Variants in MORN5 observed in about 807,000 individuals in gnomAD.
MORN5 encodes MORN repeat containing 5.
A neutral mutation model predicts 22.1 loss-of-function variants in MORN5; 21 were observed. The ratio of observed to expected loss-of-function variants is 0.95; its 90% CI spans 0.67 to 1.37. MORN5 has a LOEUF of 1.37. MORN5 is among the 40% of genes most tolerant of loss of function. The pLI is 0.00. For synonymous variants in MORN5, 73 were observed against 74.0 expected, an observed-to-expected ratio of 0.99 and a Z score of 0.07; for missense variants, 211 against 215.1, an observed-to-expected ratio of 0.98 and a Z score of 0.12.
At chr9:122,161,780 C>T (rs576483437) in intron 1 of MORN5, among the ~76,000 whole-genome samples, 2 of 152,184 alleles carry the variant, frequency 1.3e-5, no homozygotes, top group Non-Finnish European at 2.9e-5. Flanking sequence ...AGGCTTTCAA[C>T]CATTTGCCTT....
At chr9:122,195,594 GAAGTA>G (rs1829870853) in intron 4 of MORN5, among the ~76,000 whole-genome samples, 1 of 152,142 alleles carries the variant, frequency 6.6e-6, no homozygotes, top group African/African-American at 2.4e-5. Flanking sequence ...GAAGATCACA[GAAGTA>G]AAGTGTCATT....
At chr9:122,163,676 G>A (rs1471323367) in intron 1 of MORN5, among the ~76,000 whole-genome samples, 5 of 152,198 alleles carry the variant, frequency 3.3e-5, no homozygotes, top group Non-Finnish European at 5.9e-5. Flanking sequence ...GTTATGCAAA[G>A]GGAAGCTGGA....
At chr9:122,185,323 C>T (rs1423633387) in intron 4 of MORN5, among the ~76,000 whole-genome samples, 3 of 151,948 alleles carry the variant, frequency 2.0e-5, no homozygotes, top group Admixed American at 6.6e-5. Flanking sequence ...CCCGGGTTCA[C>T]GCCATTCTCC....
Position 122,175,444 on chromosome 9 carries a change from G to A in MORN5, c.439+817G>A, listed in dbSNP as rs138768649. 5.4e-5 allele frequency: 53 copies of A among 984,582 alleles called. No homozygotes were observed. The African/African-American group carries it at 5.4e-4, about 10-fold the overall frequency. 61.0% of individuals were successfully genotyped at this position (984,582 alleles called of 1,614,324 possible). ...CCCATTTACAGTGACCAAACTCACA[G>A]GAGATCAATACACAAATAATAGAAC... On this transcript the variant is annotated intron_variant, in intron 4 of 4. Transcript: ENST00000373764.
chr9:122,177,589 T>G (rs12350624), intron 4 of MORN5, among the ~76,000 whole-genome samples: 7,197 of 152,242 alleles, frequency 0.047, 250 homozygotes, highest in African/African-American at 0.085. Context: ...CCTGCCACCA[T>G]GCCCAGCTAA....
chr9:122,178,878 C>T (rs564772573), intron 4 of MORN5, among the ~76,000 whole-genome samples: 3 of 152,290 alleles, frequency 2.0e-5, no homozygotes, highest in East Asian at 3.9e-4. Flanking sequence ...TTCCATAGAG[C>T]GTTCCCTTTC....
At chr9:122,187,516 C>G (rs1038977316) in intron 4 of MORN5, among the ~76,000 whole-genome samples, 2 of 152,170 alleles carry the variant, frequency 1.3e-5, no homozygotes, top group Non-Finnish European at 2.9e-5. Context: ...GGCCTGGCCC[C>G]CACCAAAACC....
At chr9:122,181,435 A>G (rs7860735) in intron 4 of MORN5, among the ~76,000 whole-genome samples, 21,838 of 152,050 alleles carry the variant, frequency 0.14, 3,922 homozygotes, top group African/African-American at 0.42. Flanking sequence ...TGGAACTCAA[A>G]CCCACTCCCA....
intron 2 of MORN5, 138 bp downstream of exon 2, chr9:122,167,053 C>A (rs1829296601): frequency 4.0e-6 from 3 of 757,804 alleles, no homozygotes; most frequent in Non-Finnish European, 5.8e-6. Flanking sequence ...CCCACTCCCC[C>A]CACTTTTTTT....
chr9:122,187,827 T>G (rs923213385), intron 4 of MORN5, among the ~76,000 whole-genome samples: 2 of 152,180 alleles, frequency 1.3e-5, no homozygotes, highest in African/African-American at 4.8e-5. Flanking sequence ...ACATTCACAG[T>G]GTGCTACACA....
chr9:122,186,843 A>ACT (rs904972603), intron 4 of MORN5, among the ~76,000 whole-genome samples: 2 of 152,000 alleles, frequency 1.3e-5, no homozygotes, highest in Non-Finnish European at 2.9e-5. Flanking sequence ...GCCGGAGCCT[A>ACT]CTCTCTTTCT....
chr9:122,177,467 T>C (rs879438694), intron 4 of MORN5, among the ~76,000 whole-genome samples: 8 of 152,138 alleles, frequency 5.3e-5, no homozygotes, highest in Non-Finnish European at 8.8e-5. Context: ...AGTTTCACTC[T>C]TGTTGCCCAG....
intron 1 of MORN5, among the ~76,000 whole-genome samples, chr9:122,161,551 C>T (rs111734530): frequency 0.052 from 7,976 of 152,180 alleles, 705 homozygotes; most frequent in African/African-American, 0.18. Context: ...ATTATGGATA[C>T]ACAGCTAGGA....
intron 4 of MORN5, among the ~76,000 whole-genome samples, chr9:122,176,308 C>T (rs1829451101): frequency 6.6e-6 from 1 of 152,102 alleles, no homozygotes; most frequent in South Asian, 2.1e-4. Context: ...TACTATGTAG[C>T]ACGCTAACTC....
chr9:122,184,941 A>G (rs560576517), intron 4 of MORN5, among the ~76,000 whole-genome samples: 35 of 152,380 alleles, frequency 2.3e-4, no homozygotes, highest in African/African-American at 8.2e-4. Context: ...TAGCAGCCCT[A>G]TATTTTATAG....
chr9:122,176,866 A>T (rs1829459792), intron 4 of MORN5, among the ~76,000 whole-genome samples: 1 of 152,230 alleles, frequency 6.6e-6, no homozygotes, highest in Non-Finnish European at 1.5e-5. Flanking sequence ...TGATAGTGTG[A>T]TTCTCCATCT....
At chr9:122,161,093 A>G (rs971827807) in intron 1 of MORN5, among the ~76,000 whole-genome samples, 1 of 152,232 alleles carries the variant, frequency 6.6e-6, no homozygotes, top group Non-Finnish European at 1.5e-5. Context: ...GGATGAAGAA[A>G]GTGGAATCTC....
At chr9:122,186,235 G>A (rs1048835492) in intron 4 of MORN5, among the ~76,000 whole-genome samples, 4 of 152,148 alleles carry the variant, frequency 2.6e-5, no homozygotes, top group East Asian at 3.9e-4. Context: ...ACCATTATTC[G>A]TATTTGGCAG....
chr9:122,162,784 C>T (rs1184133063), intron 1 of MORN5, among the ~76,000 whole-genome samples: 4 of 152,022 alleles, frequency 2.6e-5, no homozygotes, highest in African/African-American at 9.7e-5. Context: ...TCTATGGTGA[C>T]AGAAAGTAGA....
Sources: allele counts gnomAD v4.1 joint callset (sites outside exome capture counted in the v4.1 genomes callset), GRCh38; gene constraint gnomAD v4.1.1; transcripts MANE v1.5; gene names NCBI Gene and HGNC (gene_info 2026-07-23, HGNC 2026-07-21).